CADPS2: variants seen among roughly 807,000 people sequenced by gnomAD.
CADPS2 encodes calcium-dependent secretion activator 2.
A neutral mutation model predicts 172.5 loss-of-function variants in CADPS2; 93 were observed. The observed-to-expected ratio is 0.54, with a 90% confidence interval of 0.46 to 0.64. The LOEUF is 0.64. CADPS2 is among the 30% of genes least tolerant of loss of function. The pLI is 0.00. For synonymous variants in CADPS2, 546 were observed against 555.2 expected (o/e 0.98, Z 0.23); for missense variants, 1,420 against 1,565.9 (o/e 0.91, Z 1.57).
At chr7:122,669,818 T>A (rs542695445) in intron 2 of CADPS2, among the ~76,000 whole-genome samples, 33 of 152,096 alleles carry the variant, frequency 2.2e-4, no homozygotes, top group African/African-American at 7.9e-4. Flanking sequence ...TCTCCTTAGG[T>A]GTCCCACTGG....
chr7:122,534,558 T>C (rs911147527), intron 8 of CADPS2, among the ~76,000 whole-genome samples: 18 of 152,082 alleles, frequency 1.2e-4, no homozygotes, highest in African/African-American at 4.3e-4. Flanking sequence ...GAGAAATAAA[T>C]GTCAAACTGA....
At chr7:122,819,942 A>G (rs1321485516) in intron 1 of CADPS2, among the ~76,000 whole-genome samples, 22 of 152,118 alleles carry the variant, frequency 1.4e-4, no homozygotes, top group Admixed American at 1.4e-3. Flanking sequence ...AAAAAGATTA[A>G]AGCCTGTTAT....
chr7:122,881,598 C>G (rs1376361861), intron 1 of CADPS2, among the ~76,000 whole-genome samples: 4 of 152,058 alleles, frequency 2.6e-5, no homozygotes, highest in Non-Finnish European at 5.9e-5. Flanking sequence ...CAAAGGAGCA[C>G]AAAAAAATGA....
intron 8 of CADPS2, among the ~76,000 whole-genome samples, chr7:122,524,566 T>C (rs1298819105): frequency 1.3e-5 from 2 of 152,288 alleles, no homozygotes; most frequent in East Asian, 3.9e-4. Flanking sequence ...GCAAGTTCTG[T>C]ATTTATTAAG....
At chr7:122,717,842 C>T (rs1429200999) in intron 2 of CADPS2, among the ~76,000 whole-genome samples, 3 of 152,044 alleles carry the variant, frequency 2.0e-5, no homozygotes, top group East Asian at 3.9e-4. Flanking sequence ...CAAGGTCTTG[C>T]TCTGTCACCT....
intron 1 of CADPS2, among the ~76,000 whole-genome samples, chr7:122,822,553 T>G (rs1300945310): frequency 2.1e-4 from 31 of 146,470 alleles, no homozygotes; most frequent in Non-Finnish European, 3.8e-4. Context: ...GGCAGAAATG[T>G]CAGGCCTCTG....
chr7:122,777,078 G>C (rs1241403917), intron 1 of CADPS2, among the ~76,000 whole-genome samples: 1 of 152,172 alleles, frequency 6.6e-6, no homozygotes, highest in Non-Finnish European at 1.5e-5. Context: ...TTGAGCCTAG[G>C]AGACTGAGGC....
chr7:122,448,633 G>A (rs758062821), intron 15 of CADPS2, among the ~76,000 whole-genome samples: 2 of 152,142 alleles, frequency 1.3e-5, no homozygotes, highest in Non-Finnish European at 2.9e-5. Context: ...GTGGGGAATT[G>A]AAGTCCCTTG....
At chr7:122,687,902 T>C (rs1447062677) in intron 2 of CADPS2, among the ~76,000 whole-genome samples, 1 of 151,580 alleles carries the variant, frequency 6.6e-6, no homozygotes, top group Non-Finnish European at 1.5e-5. Context: ...ATCAAGCCTT[T>C]TGTTAATTTT....
At chr7:122,774,412 G>GT (rs2093811483) in intron 1 of CADPS2, among the ~76,000 whole-genome samples, 1 of 151,804 alleles carries the variant, frequency 6.6e-6, no homozygotes, top group Non-Finnish European at 1.5e-5. Context: ...ATGGAACAAC[G>GT]TGTTAACACA....
At chr7:122,456,018 A>G (rs919911948) in intron 14 of CADPS2, among the ~76,000 whole-genome samples, 1 of 152,166 alleles carries the variant, frequency 6.6e-6, no homozygotes, top group Non-Finnish European at 1.5e-5. Context: ...CATTTTTATT[A>G]TATGATAGTT....
chr7:122,638,476 G>T (rs540661027), intron 3 of CADPS2, among the ~76,000 whole-genome samples: 1 of 152,212 alleles, frequency 6.6e-6, no homozygotes, highest in South Asian at 2.1e-4. Context: ...GGTTTAGCAG[G>T]TTTTCTGTCA....
At chr7:122,835,173 G>A (rs562755819) in intron 1 of CADPS2, among the ~76,000 whole-genome samples, 1 of 152,162 alleles carries the variant, frequency 6.6e-6, no homozygotes, top group South Asian at 2.1e-4. Flanking sequence ...CAGGCAAAAT[G>A]GGTCTGGAGT....
chr7:122,832,656 T>C (rs1281696922), intron 1 of CADPS2, among the ~76,000 whole-genome samples: 1 of 152,162 alleles, frequency 6.6e-6, no homozygotes, highest in Non-Finnish European at 1.5e-5. Flanking sequence ...GTAACAAAAG[T>C]AAACATCACA....
chr7:122,508,449 GTTTTTTTTTTTTTT>G (rs1205155217), intron 9 of CADPS2, among the ~76,000 whole-genome samples: 9 of 68,434 alleles, frequency 1.3e-4, no homozygotes, highest in South Asian at 1.0e-3. Flanking sequence ...ATTCATTTAA[GTTTTTTTTTTTTTT>G]TTTTTTTTTT....
At chr7:122,596,084 C>T (rs1489374129) in intron 6 of CADPS2, among the ~76,000 whole-genome samples, 1 of 152,090 alleles carries the variant, frequency 6.6e-6, no homozygotes, top group Admixed American at 6.6e-5. Context: ...AGTTATCCTG[C>T]TGCTGCTGGT....
chr7:122,636,229 G>A (rs1014035802), intron 3 of CADPS2, among the ~76,000 whole-genome samples: 3 of 152,090 alleles, frequency 2.0e-5, no homozygotes, highest in Non-Finnish European at 2.9e-5. Context: ...TGTGGTAGCA[G>A]GTTTTGGTGT....
intron 3 of CADPS2, among the ~76,000 whole-genome samples, chr7:122,649,189 C>T (rs1434884037): frequency 1.3e-5 from 2 of 152,076 alleles, no homozygotes; most frequent in Non-Finnish European, 2.9e-5. Flanking sequence ...CACCATACCT[C>T]CCTAACAGAT....
Position 122,663,582 on chromosome 7 carries a change from C to A in CADPS2, c.454-13G>T. On this transcript the variant is annotated splice_polypyrimidine_tract_variant and intron_variant, in intron 2 of 29. Coordinates refer to ENST00000449022, the MANE Select transcript of CADPS2 (RefSeq NM_017954.11). ...TCTTTAGAAAAACCTGAAAACAAAACAAAACAAAACAAAACAAAAAACAAT... is the reference window on the plus strand; with the variant it reads ...TCTTTAGAAAAACCTGAAAACAAAAAAAAACAAAACAAAACAAAAAACAAT... The A allele has an allele frequency of 6.5e-7, 1 of 1,527,388 alleles. No homozygotes were observed. The highest frequency in any genetic ancestry group is 1.4e-5 in the African/African-American group (1 of 72,158). 94.6% of individuals were successfully genotyped at this position (1,527,388 alleles called of 1,614,324 possible).
Sources: allele counts gnomAD v4.1 joint callset (sites outside exome capture counted in the v4.1 genomes callset), GRCh38; gene constraint gnomAD v4.1.1; transcripts MANE v1.5; gene names NCBI Gene and HGNC (gene_info 2026-07-23, HGNC 2026-07-21).